Variants in SYN3 observed in about 807,000 individuals in gnomAD.
The protein encoded by SYN3 is synapsin III, also known as synapsin-3.
In SYN3, 35 loss-of-function variants were observed where a neutral mutation model predicts 65.8. That is an observed-to-expected ratio of 0.53 (90% CI 0.41 to 0.70). The LOEUF is 0.70. SYN3 is among the 30% of genes least tolerant of loss of function. The probability of loss-of-function intolerance (pLI) is 0.00; values close to 1 mark genes in which losing one functional copy is unlikely to be tolerated. For synonymous variants in SYN3, 270 were observed against 292.9 expected, an observed-to-expected ratio of 0.92 and a Z score of 0.80; for missense variants, 680 against 749.0, an observed-to-expected ratio of 0.91 and a Z score of 1.08.
At chr22:32,618,880 T>C (rs1346916258) in intron 6 of SYN3, among the ~76,000 whole-genome samples, 1 of 152,168 alleles carries the variant, frequency 6.6e-6, no homozygotes, top group Non-Finnish European at 1.5e-5. Context: ...TTGGGCCCCC[T>C]TCTGTAAAAC....
At chr22:33,056,541 C>T (rs1416301671) in intron 1 of SYN3, among the ~76,000 whole-genome samples, 1 of 152,194 alleles carries the variant, frequency 6.6e-6, no homozygotes, top group Non-Finnish European at 1.5e-5. Context: ...CATTAAGCTT[C>T]AAAGGCCTCG....
At chr22:32,656,314 C>T (rs1040161689) in intron 6 of SYN3, among the ~76,000 whole-genome samples, 7 of 152,244 alleles carry the variant, frequency 4.6e-5, no homozygotes, top group African/African-American at 1.7e-4. Flanking sequence ...CCTCAGTTTG[C>T]TCATCCATAA....
At chr22:32,632,179 C>T (rs2059756244) in intron 6 of SYN3, among the ~76,000 whole-genome samples, 1 of 152,204 alleles carries the variant, frequency 6.6e-6, no homozygotes, top group Non-Finnish European at 1.5e-5. Flanking sequence ...GGGTGTGGAG[C>T]CCTGGGTGTT....
rs868442516 is a variant in SYN3 at position 32,665,441 on chromosome 22, A to G, written c.712-68705T>C. Among the ~76,000 whole-genome samples, 326 of 151,992 alleles carry G rather than the reference A, an allele frequency of 2.1e-3. 2 individuals carry two copies. The highest frequency in any genetic ancestry group is 7.5e-3 in the African/African-American group (312 of 41,440). ...CAATTCCATCCAGGTTGGTGCAAAT[A>G]CCATTATTTTATTCCTTCTTATGGC... is the stretch of plus-strand genomic sequence containing the variant. On this transcript the variant is annotated intron_variant, in intron 6 of 13. Coordinates refer to ENST00000358763, the MANE Select transcript of SYN3 (RefSeq NM_003490.4).
In SYN3 at chr22:33,032,377, G is replaced by T. The variant is rs527629673; in HGVS notation, c.-162-25553C>A. Among the ~76,000 whole-genome samples the T allele has an allele frequency of 1.0e-3, 156 of 152,088 alleles. 3 individuals are homozygous for T. In the South Asian group the frequency reaches 0.03, roughly 29 times the overall value. ...ACAAAAATTAGCTGGGCCTGGTGGT[G>T]GGCACCTGTAATAGCTACTTGGGAG... On this transcript the variant is annotated intron_variant, in intron 1 of 13. Transcript: ENST00000358763.
At chr22:32,582,617 T>C (rs1031991723) in intron 7 of SYN3, among the ~76,000 whole-genome samples, 1 of 152,124 alleles carries the variant, frequency 6.6e-6, no homozygotes, top group African/African-American at 2.4e-5. Flanking sequence ...TAGACTCAAG[T>C]GATTCTCCCA....
intron 10 of SYN3, among the ~76,000 whole-genome samples, chr22:32,532,007 T>C (rs74556070): frequency 1.2e-4 from 18 of 148,882 alleles, no homozygotes; most frequent in Admixed American, 2.0e-4. Flanking sequence ...TTTTTTTTTT[T>C]CCCTAAGACT....
At chr22:32,945,917 T>G (rs2051094257) in intron 3 of SYN3, among the ~76,000 whole-genome samples, 1 of 152,228 alleles carries the variant, frequency 6.6e-6, no homozygotes, top group East Asian at 1.9e-4. Flanking sequence ...AAGACATTTA[T>G]GCAGCCAACA....
chr22:32,717,805 C>T (rs571607924), intron 6 of SYN3, among the ~76,000 whole-genome samples: 3 of 152,112 alleles, frequency 2.0e-5, no homozygotes, highest in South Asian at 2.1e-4. Flanking sequence ...GCCTGTCAAA[C>T]GCCTTCCACT....
chr22:32,871,710 C>G (rs887373919), intron 4 of SYN3, among the ~76,000 whole-genome samples: 3 of 152,098 alleles, frequency 2.0e-5, no homozygotes, highest in African/African-American at 7.2e-5. Context: ...TGGGCTCAAG[C>G]GATCCTCCCA....
chr22:32,644,951 C>T (rs2146911329), intron 6 of SYN3, among the ~76,000 whole-genome samples: 1 of 152,216 alleles, frequency 6.6e-6, no homozygotes, highest in East Asian at 1.9e-4. Context: ...CCAGCCTCAG[C>T]TCAGTTCTTA....
intron 3 of SYN3, among the ~76,000 whole-genome samples, chr22:32,932,379 G>A (rs1407834463): frequency 3.3e-5 from 5 of 152,100 alleles, no homozygotes; most frequent in East Asian, 1.9e-4. Context: ...CATCTGACTC[G>A]GGGTGGAAGA....
intron 6 of SYN3, among the ~76,000 whole-genome samples, chr22:32,649,635 G>T (rs1018280500): frequency 1.3e-5 from 2 of 152,080 alleles, no homozygotes; most frequent in Non-Finnish European, 2.9e-5. Flanking sequence ...CTAGCTTCGC[G>T]GCTGGGCCCA....
intron 6 of SYN3, among the ~76,000 whole-genome samples, chr22:32,603,161 G>A (rs374331417): frequency 6.6e-6 from 1 of 152,068 alleles, no homozygotes; most frequent in African/African-American, 2.4e-5. Flanking sequence ...GGCCAGGAAC[G>A]GGACCAGGCA....
At chr22:32,934,549 A>G (rs953860974) in intron 3 of SYN3, among the ~76,000 whole-genome samples, 1 of 152,246 alleles carries the variant, frequency 6.6e-6, no homozygotes, top group Non-Finnish European at 1.5e-5. Flanking sequence ...TTAACTGTCT[A>G]AAACCTTCAG....
intron 6 of SYN3, among the ~76,000 whole-genome samples, chr22:32,808,390 G>A (rs1016872053): frequency 1.3e-5 from 2 of 152,188 alleles, no homozygotes; most frequent in African/African-American, 4.8e-5. Context: ...TGGTCACAAG[G>A]AGGAGGATGG....
chr22:32,732,649 T>C (rs1421346148), intron 6 of SYN3, among the ~76,000 whole-genome samples: 1 of 152,236 alleles, frequency 6.6e-6, no homozygotes, highest in Non-Finnish European at 1.5e-5. Flanking sequence ...TAACAGTGTC[T>C]ACATATCCTA....
intron 6 of SYN3, among the ~76,000 whole-genome samples, chr22:32,642,004 T>A (rs2059908504): frequency 6.6e-6 from 1 of 151,984 alleles, no homozygotes; most frequent in African/African-American, 2.4e-5. Flanking sequence ...AGTTTCCGGT[T>A]AAGGCCCGGG....
chr22:32,630,172 C>T (rs1408252584), intron 6 of SYN3, among the ~76,000 whole-genome samples: 6 of 151,968 alleles, frequency 3.9e-5, no homozygotes, highest in African/African-American at 9.6e-5. Flanking sequence ...TTAGTAGAGA[C>T]GGGGTTTCAC....
Sources: gnomAD v4.1 joint callset for allele counts (sites outside exome capture counted in the v4.1 genomes callset) on GRCh38, gnomAD v4.1.1 for gene constraint, MANE v1.5 for transcripts, NCBI Gene and HGNC (gene_info 2026-07-23, HGNC 2026-07-21) for gene names.